Variants in PASK observed in about 807,000 individuals in gnomAD.
The protein encoded by PASK is PAS domain-containing serine/threonine-protein kinase.
In PASK, 110 loss-of-function variants were observed where a neutral mutation model predicts 121.0. That is an observed-to-expected ratio of 0.91 (90% CI 0.78 to 1.06). PASK has a LOEUF of 1.06. Ranked by LOEUF, PASK falls within the 50% of genes least tolerant of loss-of-function variation. The probability of loss-of-function intolerance (pLI) is 0.00; values close to 1 mark genes in which losing one functional copy is unlikely to be tolerated. For missense variants in PASK, 1,643 were observed against 1,702.3 expected, an observed-to-expected ratio of 0.97 and a Z score of 0.61; for synonymous variants, 686 against 717.8, an observed-to-expected ratio of 0.96 and a Z score of 0.71.
In PASK at chr2:241,145,123, C is replaced by T. The variant is rs2066894981; in HGVS notation, c.-42-2049G>A. On this transcript the variant is annotated intron_variant, in intron 1 of 17. Coordinates refer to ENST00000234040, the MANE Select transcript of PASK (RefSeq NM_015148.4). ...AGAGTCAGGGTTTCACCGTGTTAGC[C>T]AAGATGGTCTCGATCTCCTGACCTC... Among the ~76,000 whole-genome samples the T allele has an allele frequency of 1.3e-5, 2 of 152,182 alleles. 1 individual carries two copies. The highest frequency in any genetic ancestry group is 4.8e-5 in the African/African-American group (2 of 41,440).
rs770409178 is a variant in PASK, at chr2:241,127,334, C to T, written c.1581G>A (p.Gln527=). The part of the protein sequence containing the change: ...EEPVAIESPG[Q]DLLGESRSEP... ...CAGACCTGCTTTCTCCCAGAAGATCCTGTCCGGGGCTCTCTATTGCCACAG... is the reference window on the plus strand; with the variant it reads ...CAGACCTGCTTTCTCCCAGAAGATCTTGTCCGGGGCTCTCTATTGCCACAG... The change falls in exon 10 of 18, where the codon CAG becomes CAA. Residue 527 remains glutamine (Q), a synonymous_variant. Transcript: ENST00000234040. The T allele has an allele frequency of 3.7e-6, 6 of 1,614,224 alleles. No homozygotes were observed. Among genetic ancestry groups the T allele is most frequent in the South Asian group, 2.2e-5 (2 of 91,088 alleles).
At position 241,127,012 on chromosome 2, in the gene PASK, C is replaced by T; in HGVS notation, c.1903G>A (p.Gly635Ser). 1 of 1,614,222 alleles carries T rather than the reference C, an allele frequency of 6.2e-7. No individual in the cohort carries two copies. Among genetic ancestry groups the T allele is most frequent in the Non-Finnish European group, 8.5e-7 (1 of 1,180,046 alleles). The change falls in exon 10 of 18, where the codon GGC becomes AGC. Residue 635 changes from glycine (G) to serine (S), a missense_variant. Around this residue, in one of 3 missense-constraint regions of PASK, gnomAD observed 1,176 missense variants for 1,162.2 expected, o/e 1.01. Coordinates refer to ENST00000234040, the MANE Select transcript of PASK (RefSeq NM_015148.4). ...AGAGTAGGTGTCCCAAACGAGAGGC[C>T]TGCCATCCCAGAGGGGCTGGGGGCC... The part of the protein sequence containing the change: ...DLAPSPSGMA[G>S]LSFGTPTLDE...
At chr2:241,114,198 C>G in intron 14 of PASK, 4 of 984,886 alleles carry the variant, frequency 4.1e-6, no homozygotes, top group Non-Finnish European at 4.8e-6. Flanking sequence ...AGAGGTGACC[C>G]TTTTTTGCAG....
At chr2:241,131,752 C>T (rs951809249) in intron 9 of PASK, among the ~76,000 whole-genome samples, 5 of 152,076 alleles carry the variant, frequency 3.3e-5, no homozygotes, top group Non-Finnish European at 5.9e-5. Flanking sequence ...TTACTGCATG[C>T]TGTGCATAAG....
In PASK at chr2:241,136,954, C is replaced by T. The variant is rs568529041; in HGVS notation, c.1137+50G>A. The T allele has an allele frequency of 7.0e-6, 11 of 1,581,802 alleles. No individual in the cohort carries two copies. The African/African-American group carries it at 1.1e-4, about 15-fold the overall frequency. ...ACACGCAAGCCCGCACTGCAGAGCA[C>T]AGCAGCTTCCTCCCAGGGAACGGGA... On this transcript the variant is annotated intron_variant, in intron 7 of 17. Transcript: ENST00000234040.
At chr2:241,121,914 C>T (rs2065631799) in intron 12 of PASK, among the ~76,000 whole-genome samples, 1 of 152,154 alleles carries the variant, frequency 6.6e-6, no homozygotes, top group South Asian at 2.1e-4. Context: ...ATAATACAAG[C>T]ATCAACAAAT....
chr2:241,130,044 C>A (rs553857436), intron 9 of PASK, among the ~76,000 whole-genome samples: 3 of 152,316 alleles, frequency 2.0e-5, no homozygotes, highest in Admixed American at 6.5e-5. Context: ...GAGGAAGCAC[C>A]CAACGTAGTC....
intron 12 of PASK, 34 bp downstream of exon 12, chr2:241,122,698 G>A (rs1231671656): frequency 6.2e-7 from 1 of 1,602,048 alleles, no homozygotes; most frequent in Non-Finnish European, 8.6e-7. Flanking sequence ...GTGAAGTGGT[G>A]CCCGGCGCCA....
chr2:241,148,881 G>A (rs910524367), intron 1 of PASK, among the ~76,000 whole-genome samples: 3 of 152,216 alleles, frequency 2.0e-5, no homozygotes, highest in African/African-American at 7.2e-5. Flanking sequence ...GGCAGCGCAG[G>A]CCCCTGCCGT....
rs144695933 is a variant in PASK at position 241,126,475 on chromosome 2, G to A, written c.2440C>T (p.Arg814Trp). Residue 814 changes from arginine to tryptophan, a missense_variant, in exon 10 of 18, where the codon CGG (arginine) becomes TGG (tryptophan). Physicochemically the swap from Arg to Trp is moderately radical, Grantham distance 101. Coordinates refer to ENST00000234040, the MANE Select transcript of PASK (RefSeq NM_015148.4). The stretch of plus-strand genomic sequence containing the variant: ...GGATCATGTCCCACACAGCTCTCCC[G>A]GAACCGTCGGCCTTGGCCAAGGTCA... ...CVDLGQGRRF[R>W]ESCVGHDPTE... 86 of 1,614,088 alleles carry A rather than the reference G, an allele frequency of 5.3e-5. No homozygotes were observed. Among genetic ancestry groups the A allele is most frequent in the African/African-American group, 1.1e-4 (8 of 74,936 alleles).
chr2:241,131,798 G>T (rs926579920), intron 9 of PASK, among the ~76,000 whole-genome samples: 1 of 152,162 alleles, frequency 6.6e-6, no homozygotes, highest in African/African-American at 2.4e-5. Flanking sequence ...GCTCACACCT[G>T]TAATCCCAGG....
chr2:241,115,264 T>C, intron 13 of PASK, 24 bp downstream of exon 13: 2 of 1,613,700 alleles, frequency 1.2e-6, no homozygotes, highest in South Asian at 1.1e-5. Context: ...CAAGTTAGGG[T>C]ATCTCTGAAG....
chr2:241,147,404 GC>G (rs1218298046), intron 1 of PASK, among the ~76,000 whole-genome samples: 1 of 152,102 alleles, frequency 6.6e-6, no homozygotes. Context: ...GATTACTTGA[GC>G]CCAGGAGTTC....
intron 10 of PASK, 113 bp downstream of exon 10, chr2:241,126,083 A>G (rs740393): frequency 0.13 from 115,618 of 888,276 alleles, 16,380 homozygotes; most frequent in African/African-American, 0.56. Context: ...GATTTCTGCT[A>G]ACACTATTCC....
At chr2:241,149,519 A>C, upstream of PASK, 2 of 788,174 alleles carry the variant, frequency 2.5e-6, no homozygotes, top group Non-Finnish European at 3.9e-6. Context: ...ACCGATTGAC[A>C]AGCTCCACGG....
rs1388094779 is a variant in PASK at position 241,107,448 on chromosome 2, G to A, written c.3719C>T (p.Thr1240Ile). 2.5e-6 allele frequency: 4 copies of A among 1,614,020 alleles called. No individual in the cohort carries two copies. The highest frequency in any genetic ancestry group is 1.1e-5 in the South Asian group (1 of 91,086). Residue 1240 changes from threonine (T) to isoleucine (I), a missense_variant, in exon 17 of 18, where the codon ACC becomes ATC. Physicochemically the swap from Thr to Ile is moderately conservative, Grantham distance 89. This residue lies in a region of PASK where 453 missense variants were observed against 511.2 expected (regional missense o/e 0.89). Coordinates refer to ENST00000234040, the MANE Select transcript of PASK (RefSeq NM_015148.4). ...GTCTGTCACCAGCTTCTCCAAGGTGGTGCGTCTCTCAGGGACTGGCTGCAG... is the reference window on the plus strand; with the variant it reads ...GTCTGTCACCAGCTTCTCCAAGGTGATGCGTCTCTCAGGGACTGGCTGCAG... Reference protein sequence around the residue: ...GLLQPVPERRTTLEKLVTDPW... With the variant: ...GLLQPVPERRITLEKLVTDPW...
At chr2:241,110,845 C>G (rs2065082138) in intron 15 of PASK, among the ~76,000 whole-genome samples, 1 of 152,240 alleles carries the variant, frequency 6.6e-6, no homozygotes, top group Non-Finnish European at 1.5e-5. Flanking sequence ...AAGGGAAACT[C>G]CACGGCCCTT....
intron 1 of PASK, among the ~76,000 whole-genome samples, chr2:241,143,485 A>G (rs1344466824): frequency 1.3e-5 from 2 of 151,568 alleles, no homozygotes; most frequent in Non-Finnish European, 2.9e-5. Context: ...CGGGAGGCAG[A>G]GCTTGCAGTG....
upstream of PASK, chr2:241,149,567 C>A: frequency 7.6e-7 from 1 of 1,316,890 alleles, no homozygotes; most frequent in East Asian, 2.5e-5. Flanking sequence ...CTAAGCTAGC[C>A]AGAGTCTAGA....
Sources: allele counts gnomAD v4.1 joint callset (sites outside exome capture counted in the v4.1 genomes callset), GRCh38; gene constraint gnomAD v4.1.1; regional missense constraint gnomAD v4.1.1; transcripts MANE v1.5; gene names NCBI Gene and HGNC (gene_info 2026-07-23, HGNC 2026-07-21).